The following PTPRQ variants were observed in gnomAD, a reference collection of about 807,000 sequenced individuals.
The protein encoded by PTPRQ is phosphatidylinositol phosphatase PTPRQ.
In PTPRQ, 199 loss-of-function variants were observed where a neutral mutation model predicts 246.0. The observed-to-expected ratio is 0.81, with a 90% CI of 0.72 to 0.91. The LOEUF (loss-of-function observed/expected upper bound fraction) is 0.91, where lower values mean the gene tolerates loss of function less well. Ranked by LOEUF, PTPRQ falls within the 40% of genes least tolerant of loss-of-function variation. The pLI, the probability that PTPRQ is intolerant of heterozygous loss-of-function variation, is 0.00. For synonymous variants in PTPRQ, 869 were observed against 853.2 expected (o/e 1.02, Z -0.32); for missense variants, 2,624 against 2,528.4 (o/e 1.04, Z -0.81).
At chr12:80,571,986 C>A (rs1432512320) in intron 25 of PTPRQ, among the ~76,000 whole-genome samples, 1 of 151,610 alleles carries the variant, frequency 6.6e-6, no homozygotes, top group Non-Finnish European at 1.5e-5. Context: ...TTTCAAAATT[C>A]TTCTGGCTAT....
chr12:80,634,923 G>T, intron 34 of PTPRQ, 22 bp from the exon 35 acceptor site: 1 of 1,546,644 alleles, frequency 6.5e-7, no homozygotes, highest in South Asian at 1.2e-5. Flanking sequence ...TCCCTTCTTG[G>T]ACTTTACTCC....
chr12:80,611,502 A>G (rs1258704190), intron 28 of PTPRQ, among the ~76,000 whole-genome samples: 2 of 150,174 alleles, frequency 1.3e-5, no homozygotes, highest in Non-Finnish European at 3.0e-5. Context: ...ATTTGTTCCT[A>G]TTCGTCTGCC....
At chr12:80,643,964 G>T (rs1383304170) in intron 35 of PTPRQ, among the ~76,000 whole-genome samples, 4 of 152,126 alleles carry the variant, frequency 2.6e-5, no homozygotes, top group African/African-American at 9.7e-5. Flanking sequence ...AACATCACTG[G>T]TTAAGTAGAA....
intron 25 of PTPRQ, among the ~76,000 whole-genome samples, chr12:80,552,098 C>A (rs1413014223): frequency 1.3e-5 from 2 of 152,040 alleles, no homozygotes; most frequent in African/African-American, 4.8e-5. Context: ...AGAATCCATG[C>A]ACTTAAGAAT....
intron 33 of PTPRQ, among the ~76,000 whole-genome samples, chr12:80,625,658 CT>C (rs1390173339): frequency 3.9e-5 from 6 of 152,068 alleles, no homozygotes; most frequent in Non-Finnish European, 5.9e-5. Context: ...TAGAACTTCA[CT>C]GGATGGATAA....
At chr12:80,455,765 G>A (rs556224109) in intron 3 of PTPRQ, among the ~76,000 whole-genome samples, 80 of 127,734 alleles carry the variant, frequency 6.3e-4, no homozygotes, top group Middle Eastern at 3.9e-3. Flanking sequence ...TAATTTTTTC[G>A]TATTTTATTT....
chr12:80,504,264 T>C (rs1459845131), intron 14 of PTPRQ, among the ~76,000 whole-genome samples: 1 of 151,810 alleles, frequency 6.6e-6, no homozygotes, highest in African/African-American at 2.4e-5. Context: ...AAAGTTCTCT[T>C]CTTCTTTATC....
intron 33 of PTPRQ, among the ~76,000 whole-genome samples, chr12:80,629,462 A>G (rs1290894603): frequency 1.3e-5 from 2 of 152,330 alleles, no homozygotes; most frequent in South Asian, 2.1e-4. Flanking sequence ...ACACCTTTGC[A>G]GGCAGAGGAA....
At chr12:80,457,207 C>T (rs1263355834) in intron 3 of PTPRQ, among the ~76,000 whole-genome samples, 5 of 151,934 alleles carry the variant, frequency 3.3e-5, no homozygotes, top group African/African-American at 9.7e-5. Context: ...GTACCATATA[C>T]ATGGTCTCTT....
rs1897258806 is a variant in PTPRQ, at chr12:80,575,590, C to G, written c.4286-12539C>G. On this transcript the variant is annotated intron_variant, in intron 25 of 44. Coordinates refer to ENST00000644991, the MANE Select transcript of PTPRQ (RefSeq NM_001145026.2). Reference sequence around the variant, plus strand: ...AAATGGCACCCTCATCCCTGTAATCCCAGCACTTTGGGAGGCCAGGGTGGG... The same window carrying G: ...AAATGGCACCCTCATCCCTGTAATCGCAGCACTTTGGGAGGCCAGGGTGGG... Among the ~76,000 whole-genome samples, 8 of 149,812 alleles carry G rather than the reference C, an allele frequency of 5.3e-5. No homozygotes were observed. The South Asian group carries it at 1.7e-3, about 32-fold the overall frequency.
chr12:80,552,936 A>G (rs1896530606), intron 25 of PTPRQ, among the ~76,000 whole-genome samples: 4 of 151,816 alleles, frequency 2.6e-5, no homozygotes. Context: ...ATCTTCATTT[A>G]AACAAGACAT....
At chr12:80,619,015 A>G (rs1898873429) in intron 30 of PTPRQ, among the ~76,000 whole-genome samples, 2 of 151,678 alleles carry the variant, frequency 1.3e-5, no homozygotes, top group Non-Finnish European at 3.0e-5. Context: ...AAATTAGTAA[A>G]CCAGCTAAAA....
At chr12:80,632,031 T>TA (rs1388333059) in intron 33 of PTPRQ, among the ~76,000 whole-genome samples, 161 bp from the exon 34 acceptor site, 1 of 152,018 alleles carries the variant, frequency 6.6e-6, no homozygotes, top group Non-Finnish European at 1.5e-5. Context: ...GCCCCAAAGT[T>TA]AAAAAATCTA....
intron 17 of PTPRQ, among the ~76,000 whole-genome samples, chr12:80,522,968 A>T (rs1480176212): frequency 6.6e-6 from 1 of 152,206 alleles, no homozygotes; most frequent in Non-Finnish European, 1.5e-5. Flanking sequence ...CTCTGGTAGA[A>T]TTCGGCTGTG....
chr12:80,672,308 C>T (rs1900994397), intron 42 of PTPRQ, among the ~76,000 whole-genome samples: 7 of 150,638 alleles, frequency 4.6e-5, no homozygotes. Flanking sequence ...GGCTGTGTGG[C>T]ATGTATATAT....
chr12:80,603,894 T>C (rs984402922), intron 26 of PTPRQ, among the ~76,000 whole-genome samples: 2 of 151,764 alleles, frequency 1.3e-5, no homozygotes, highest in African/African-American at 2.4e-5. Flanking sequence ...TATCTTTATC[T>C]TTTATGATAC....
At chr12:80,551,040 T>G (rs1369815075) in intron 25 of PTPRQ, among the ~76,000 whole-genome samples, 1 of 152,130 alleles carries the variant, frequency 6.6e-6, no homozygotes, top group Non-Finnish European at 1.5e-5. Flanking sequence ...CATTTTCATT[T>G]TAATCTTATG....
intron 39 of PTPRQ, among the ~76,000 whole-genome samples, chr12:80,666,658 T>A (rs1266485447): frequency 6.6e-6 from 1 of 151,966 alleles, no homozygotes; most frequent in Non-Finnish European, 1.5e-5. Context: ...ATGAAAATTT[T>A]CACACTGTAT....
At chr12:80,567,652 C>T (rs1276838382) in intron 25 of PTPRQ, among the ~76,000 whole-genome samples, 2 of 152,154 alleles carry the variant, frequency 1.3e-5, no homozygotes, top group African/African-American at 4.8e-5. Flanking sequence ...AGTGTTGAGT[C>T]ATTTTCCATC....
Sources: allele counts gnomAD v4.1 joint callset (sites outside exome capture counted in the v4.1 genomes callset), GRCh38; gene constraint gnomAD v4.1.1; transcripts MANE v1.5; gene names NCBI Gene and HGNC (gene_info 2026-07-23, HGNC 2026-07-21).